CREB3L3: variants seen among roughly 807,000 people sequenced by gnomAD.
The protein encoded by CREB3L3 is cyclic AMP-responsive element-binding protein 3-like protein 3.
CREB3L3 carries 40 observed loss-of-function variants against 44.6 expected under a neutral mutation model. The observed-to-expected ratio is 0.90, with a 90% confidence interval of 0.70 to 1.17. CREB3L3 has a LOEUF of 1.17. CREB3L3 is among the 50% of genes most tolerant of loss of function. The probability of loss-of-function intolerance (pLI) is 0.00; values close to 1 mark genes in which losing one functional copy is unlikely to be tolerated. For missense variants in CREB3L3, 578 were observed against 595.8 expected (o/e 0.97, Z 0.31); for synonymous variants, 273 against 256.3 (o/e 1.06, Z -0.62).
At position 4,154,889 on chromosome 19, in the gene CREB3L3, C is replaced by A; in HGVS notation, c.28-10C>A. ...GTATGTGACCCTCACATCTGTTCCT[C>A]GCGCCCCAGATGGCTTCTGCTGCCT... On this transcript the variant is annotated splice_polypyrimidine_tract_variant and intron_variant, in intron 1 of 9. Coordinates refer to ENST00000078445, the MANE Select transcript of CREB3L3 (RefSeq NM_032607.3). 6.2e-7 allele frequency: 1 copy of A among 1,613,834 alleles called. No homozygotes were observed. Among genetic ancestry groups the A allele is most frequent in the South Asian group, 1.1e-5 (1 of 91,082 alleles).
At chr19:4,160,768 C>G (rs2041649670) in intron 4 of CREB3L3, among the ~76,000 whole-genome samples, 1 of 150,800 alleles carries the variant, frequency 6.6e-6, no homozygotes, top group African/African-American at 2.4e-5. Flanking sequence ...GCGTCTTGCT[C>G]TGTCACCTAG....
chr19:4,171,346 G>C lies in CREB3L3; in HGVS notation c.976-37G>C, dbSNP rs1967041885. The C allele has an allele frequency of 6.3e-7, 1 of 1,582,250 alleles. No individual in the cohort carries two copies. The highest frequency in any genetic ancestry group is 1.3e-5 in the African/African-American group (1 of 74,158). Reference sequence around the variant, plus strand: ...TGGGATGGAGATGCTTGCAGGGGAGGGGAGGGAGGGGGTGACTCTGCCGCT... The same window carrying C: ...TGGGATGGAGATGCTTGCAGGGGAGCGGAGGGAGGGGGTGACTCTGCCGCT... On this transcript the variant is annotated intron_variant, in intron 8 of 9. Coordinates refer to ENST00000078445, the MANE Select transcript of CREB3L3 (RefSeq NM_032607.3). The surrounding 1 kb of genome is among the most constrained non-coding windows in gnomAD (Gnocchi z 4.9).
chr19:4,168,295 G>T, intron 5 of CREB3L3, 56 bp from the exon 6 acceptor site: 5 of 1,395,708 alleles, frequency 3.6e-6, no homozygotes, highest in Non-Finnish European at 5.1e-6. Context: ...TACTGCCCCC[G>T]GACTCCAAGT....
rs1261208309 is a variant in CREB3L3, at chr19:4,172,693, C to CCAGA, written c.*739_*742dup. On this transcript the variant is annotated 3_prime_UTR_variant, in exon 10 of 10. Transcript: ENST00000078445. ...CAGACAGACACAGCCTGAAACAGAC[C>CCAGA]CAGACAGACAGACAGACACAGCCTG... 5 of 227,098 alleles carry CCAGA rather than the reference C, an allele frequency of 2.2e-5. No individual in the cohort carries two copies. Among genetic ancestry groups the CCAGA allele is most frequent in the East Asian group, 1.6e-4 (1 of 6,270 alleles). 14.1% of individuals were successfully genotyped at this position (227,098 alleles called of 1,614,324 possible).
chr19:4,163,302 G>A (rs185358266), intron 4 of CREB3L3, among the ~76,000 whole-genome samples: 49 of 109,664 alleles, frequency 4.5e-4, no homozygotes, highest in Non-Finnish European at 6.9e-4. Context: ...AGCGAGACTC[G>A]TCTAAGAAAG....
chr19:4,157,228 C>T lies in CREB3L3; in HGVS notation c.390C>T (p.Asn130=). ...KGPCLSYHPG[N]SCSTTTPGPV... ...CCTGCCTCTCCTATCATCCTGGCAA[C>T]TCTTGCTCCACCACAACCCCAGGGC... Residue 130 remains asparagine, a synonymous_variant, in exon 3 of 10, where the codon AAC becomes AAT. Coordinates refer to ENST00000078445, the MANE Select transcript of CREB3L3 (RefSeq NM_032607.3). The T allele has an allele frequency of 6.2e-7, 1 of 1,614,182 alleles. No individual in the cohort carries two copies. Among genetic ancestry groups the T allele is most frequent in the Non-Finnish European group, 8.5e-7 (1 of 1,180,026 alleles).
chr19:4,157,179 A>G lies in CREB3L3; in HGVS notation c.341A>G (p.His114Arg), dbSNP rs150887508. 6.2e-7 allele frequency: 1 copy of G among 1,613,716 alleles called. No individual in the cohort carries two copies. Among genetic ancestry groups the G allele is most frequent in the Admixed American group, 1.7e-5 (1 of 59,940 alleles). ...SGPATSPAGC[H>R]PAQPGKGPCL... The stretch of plus-strand genomic sequence containing the variant: ...CCAGCCACCTCCCCCGCCGGCTGCC[A>G]TCCTGCCCAGCCTGGCAAGGGGCCC... The change falls in exon 3 of 10, where the codon CAT becomes CGT. Residue 114 changes from histidine (H) to arginine (R), a missense_variant. Coordinates refer to ENST00000078445, the MANE Select transcript of CREB3L3 (RefSeq NM_032607.3).
At position 4,157,187 on chromosome 19, in the gene CREB3L3, C is replaced by G. The variant is rs201211326; in HGVS notation, c.349C>G (p.Gln117Glu). The G allele has an allele frequency of 2.5e-6, 4 of 1,614,038 alleles. No individual in the cohort carries two copies. In the East Asian group the frequency reaches 8.9e-5, roughly 36 times the overall value. ...ATSPAGCHPAQPGKGPCLSYH... is the reference protein window; with the variant it reads ...ATSPAGCHPAEPGKGPCLSYH... ...CTCCCCCGCCGGCTGCCATCCTGCCCAGCCTGGCAAGGGGCCCTGCCTCTC... is the reference window on the plus strand; with the variant it reads ...CTCCCCCGCCGGCTGCCATCCTGCCGAGCCTGGCAAGGGGCCCTGCCTCTC... The change falls in exon 3 of 10, where the codon CAG (glutamine) becomes GAG (glutamate). Residue 117 changes from glutamine to glutamate, a missense_variant. Transcript: ENST00000078445.
chr19:4,156,684 A>T (rs352128), intron 2 of CREB3L3, among the ~76,000 whole-genome samples: 15,131 of 145,162 alleles, frequency 0.1, 1,365 homozygotes, highest in East Asian at 0.42. Context: ...GTATTTTTAG[A>T]AGAAATGGGG....
chr19:4,161,258 C>T (rs548160715), intron 4 of CREB3L3, among the ~76,000 whole-genome samples: 5 of 148,798 alleles, frequency 3.4e-5, no homozygotes, highest in South Asian at 2.2e-4. Flanking sequence ...CACCGTGCCC[C>T]GTTTAGACCC....
At chr19:4,164,928 C>T (rs984081059) in intron 5 of CREB3L3, among the ~76,000 whole-genome samples, 4 of 152,106 alleles carry the variant, frequency 2.6e-5, no homozygotes, top group African/African-American at 7.2e-5. Context: ...AGGCTGGTCT[C>T]GAGCTCCTGA....
Position 4,162,044 on chromosome 19 carries a change from G to A in CREB3L3, c.576+2262G>A, listed in dbSNP as rs569844665. Among the ~76,000 whole-genome samples, 11 of 152,228 alleles carry A rather than the reference G, an allele frequency of 7.2e-5. No individual in the cohort carries two copies. The South Asian group carries it at 2.3e-3, about 32-fold the overall frequency. On this transcript the variant is annotated intron_variant, in intron 4 of 9. Coordinates refer to ENST00000078445, the MANE Select transcript of CREB3L3 (RefSeq NM_032607.3). Reference sequence around the variant, plus strand: ...ATTTTTTGAGACAGAGTCATGGTCCGTCGTCCAGGCTAAGTGCAGTGCCAC... The same window carrying A: ...ATTTTTTGAGACAGAGTCATGGTCCATCGTCCAGGCTAAGTGCAGTGCCAC...
chr19:4,154,931 C>G lies in CREB3L3; in HGVS notation c.60C>G (p.Ile20Met), dbSNP rs773414002. 1.9e-6 allele frequency: 3 copies of G among 1,613,800 alleles called. No individual in the cohort carries two copies. Among genetic ancestry groups the G allele is most frequent in the African/African-American group, 2.7e-5 (2 of 74,924 alleles). The change falls in exon 2 of 10, where the codon ATC (isoleucine) becomes ATG (methionine). Residue 20 changes from isoleucine to methionine, a missense_variant. Ile to Met is a conservative substitution (Grantham distance 10). Coordinates refer to ENST00000078445, the MANE Select transcript of CREB3L3 (RefSeq NM_032607.3). The stretch of plus-strand genomic sequence containing the variant: ...CTGCTGCCTGCTCCATGGACCCCAT[C>G]GACAGCTTTGAGCTCCTGGATCTCC... ...MASAACSMDPIDSFELLDLLF... is the reference protein window; with the variant it reads ...MASAACSMDPMDSFELLDLLF...
rs745631056 is a variant in CREB3L3, at chr19:4,171,508, G to A, written c.1072+29G>A. 1 of 1,611,672 alleles carries A rather than the reference G, an allele frequency of 6.2e-7. No homozygotes were observed. The highest frequency in any genetic ancestry group is 1.7e-5 in the Admixed American group (1 of 59,982). On this transcript the variant is annotated intron_variant, in intron 9 of 9. Coordinates refer to ENST00000078445, the MANE Select transcript of CREB3L3 (RefSeq NM_032607.3). This position sits in a 1 kb window ranked among gnomAD's most constrained non-coding sequence, Gnocchi z 4.9. ...GGGGATCCCCACCTTTGAAACCCTT[G>A]TCTGGTCTCCCCAAGTCCCCGTCCT...
Position 4,157,039 on chromosome 19 carries a change from C to T in CREB3L3, c.201C>T (p.Ile67=), listed in dbSNP as rs2145119930. 1.2e-6 allele frequency: 2 copies of T among 1,614,110 alleles called. No homozygotes were observed. The highest frequency in any genetic ancestry group is 1.7e-6 in the Non-Finnish European group (2 of 1,180,012). The change falls in exon 3 of 10, where the codon ATC becomes ATT. Residue 67 remains isoleucine (I), a synonymous_variant. Coordinates refer to ENST00000078445, the MANE Select transcript of CREB3L3 (RefSeq NM_032607.3). ...ACTCTGACGACTTCCTCAGCTCCATCCTGGGCTCTGGAGACTCACTGCCCA... is the reference window on the plus strand; with the variant it reads ...ACTCTGACGACTTCCTCAGCTCCATTCTGGGCTCTGGAGACTCACTGCCCA... The part of the protein sequence containing the change: ...NPDSDDFLSS[I]LGSGDSLPSS...
In CREB3L3 at chr19:4,164,590, C is replaced by T. The variant is rs762516652; in HGVS notation, c.664C>T (p.Leu222=). The change falls in exon 5 of 10, where the codon CTG becomes TTG. Residue 222 remains leucine (L), a synonymous_variant. Transcript: ENST00000078445. Reference sequence around the variant, plus strand: ...GGTGCTCACCGAGGATGAGAAGAAGCTGCTGGCTAAAGAAGGCATCACCCT... The same window carrying T: ...GGTGCTCACCGAGGATGAGAAGAAGTTGCTGGCTAAAGAAGGCATCACCCT... ...ELVLTEDEKK[L]LAKEGITLPT... 1.9e-6 allele frequency: 3 copies of T among 1,614,130 alleles called. No homozygotes were observed. Among genetic ancestry groups the T allele is most frequent in the Non-Finnish European group, 1.7e-6 (2 of 1,180,038 alleles).
At chr19:4,168,210 G>A (rs1966964832) in intron 5 of CREB3L3, 141 bp from the exon 6 acceptor site, 2 of 570,216 alleles carry the variant, frequency 3.5e-6, no homozygotes, top group Non-Finnish European at 6.7e-6. Context: ...TGTTGGCCAG[G>A]CTGGTCTCGA....
At chr19:4,162,209 T>C (rs1425200292) in intron 4 of CREB3L3, among the ~76,000 whole-genome samples, 1 of 152,042 alleles carries the variant, frequency 6.6e-6, no homozygotes, top group Non-Finnish European at 1.5e-5. Context: ...TTTCACCATG[T>C]TGGTCAGGCT....
At position 4,167,354 on chromosome 19, in the gene CREB3L3, G is replaced by GAAAGAAAGAA. The variant is rs10669157; in HGVS notation, c.715-996_715-995insAAGAAAGAAA. Among the ~76,000 whole-genome samples the GAAAGAAAGAA allele has an allele frequency of 4.4e-3, 575 of 130,772 alleles. 4 individuals carry two copies. The highest frequency in any genetic ancestry group is 0.016 in the African/African-American group (533 of 33,860). 85.8% of individuals were successfully genotyped at this position (130,772 alleles called of 152,430 possible). On this transcript the variant is annotated intron_variant, in intron 5 of 9. Transcript: ENST00000078445. The stretch of plus-strand genomic sequence containing the variant: ...GCGAAACAAGAAAGAAAGAAAGAAA[G>GAAAGAAAGAA]AGAGAGAGAGAGAGAGAGAGAAAAG...
Sources: gnomAD v4.1 joint callset for allele counts (sites outside exome capture counted in the v4.1 genomes callset) on GRCh38, gnomAD v4.1.1 for gene constraint, Gnocchi (gnomAD v3.1) non-coding constraint, MANE v1.5 for transcripts, NCBI Gene and HGNC (gene_info 2026-07-23, HGNC 2026-07-21) for gene names.